Variants in MBD4 observed in about 807,000 individuals in gnomAD.
The protein encoded by MBD4 is methyl-CpG binding domain 4, DNA glycosylase.
Under a neutral mutation model 60.2 loss-of-function variants are expected in MBD4, and 53 were observed. The observed-to-expected ratio is 0.88, with a 90% confidence interval of 0.71 to 1.11. The LOEUF is 1.11. MBD4 is among the 50% of genes least tolerant of loss of function. The pLI is 0.00. For missense variants in MBD4, 619 were observed against 674.0 expected (o/e 0.92, Z 0.90); for synonymous variants, 231 against 229.8 (o/e 1.01, Z -0.05).
chr3:129,439,937 C>T lies in MBD4; in HGVS notation c.-104G>A. The T allele has an allele frequency of 1.1e-6, 1 of 885,156 alleles. No homozygotes were observed. The highest frequency in any genetic ancestry group is 2.6e-5 in the East Asian group (1 of 38,204). The allele number at this position is 885,156 out of a possible 1,614,324, so 54.8% of individuals were successfully genotyped here. A position where few individuals can be genotyped will look rare whatever the true frequency, so the allele number is the denominator to read the frequency against. On this transcript the variant is annotated 5_prime_UTR_variant, in exon 1 of 8. Transcript: ENST00000429544. The stretch of plus-strand genomic sequence containing the variant: ...TCAGCTCACGGCACCGGGCTGCAAC[C>T]GAGGTCTGAATGTTGCGAAAGCGCC...
chr3:129,431,681 T>C (rs1424423217), intron 7 of MBD4, 103 bp from the exon 8 acceptor site: 4 of 804,838 alleles, frequency 5.0e-6, no homozygotes, highest in Non-Finnish European at 8.7e-6. Context: ...GGACAGTACA[T>C]TACGATACCA....
intron 1 of MBD4, 88 bp from the exon 2 acceptor site, chr3:129,438,038 A>T (rs2072504193): frequency 1.3e-5 from 10 of 780,304 alleles, no homozygotes; most frequent in Non-Finnish European, 2.2e-5. Flanking sequence ...TGCAGGAACC[A>T]CATAGATTAT....
At chr3:129,438,958 CT>C (rs2107763719) in intron 1 of MBD4, among the ~76,000 whole-genome samples, 1 of 151,904 alleles carries the variant, frequency 6.6e-6, no homozygotes, top group East Asian at 1.9e-4. Context: ...TAAACTAAAA[CT>C]TCATTAAAGT....
In MBD4 at chr3:129,439,715, G is replaced by C; in HGVS notation, c.104+15C>G. ...AGGTGGTGAAACTGAGGCCCAAAAG[G>C]GGACAGTAACTTACCGGAGGTCATT... On this transcript the variant is annotated intron_variant, in intron 1 of 7. Transcript: ENST00000429544. 6.7e-7 allele frequency: 1 copy of C among 1,493,218 alleles called. No homozygotes were observed. The highest frequency in any genetic ancestry group is 9.2e-7 in the Non-Finnish European group (1 of 1,086,838). The allele number at this position is 1,493,218 out of a possible 1,614,324, so 92.5% of individuals were successfully genotyped here. A position where few individuals can be genotyped will look rare whatever the true frequency, so the allele number is the denominator to read the frequency against.
At chr3:129,433,801 C>T (rs1359068005) in intron 5 of MBD4, 49 bp downstream of exon 5, 4 of 1,612,308 alleles carry the variant, frequency 2.5e-6, no homozygotes, top group Non-Finnish European at 3.4e-6. Context: ...AGTGCTTTCT[C>T]CCTACCACAC....
At chr3:129,434,237 G>C (rs1379318680) in intron 3 of MBD4, 101 bp from the exon 4 acceptor site, 1 of 932,910 alleles carries the variant, frequency 1.1e-6, no homozygotes, top group Non-Finnish European at 1.7e-6. Context: ...AAGCATGCCA[G>C]GCACTATTCT....
Position 129,439,745 on chromosome 3 carries a change from G to C in MBD4, c.89C>G (p.Pro30Arg). ...VTSSERLVPD[P>R]PNDLRKEDVA... ...AGTAACTTACCGGAGGTCATTCGGCGGGTCTGGGACTAGGCGCTCACTAGA... is the reference window on the plus strand; with the variant it reads ...AGTAACTTACCGGAGGTCATTCGGCCGGTCTGGGACTAGGCGCTCACTAGA... Residue 30 changes from proline to arginine, a missense_variant, in exon 1 of 8, where the codon CCG becomes CGG. Transcript: ENST00000429544. 2 of 1,593,284 alleles carry C rather than the reference G, an allele frequency of 1.3e-6. No homozygotes were observed. The highest frequency in any genetic ancestry group is 2.7e-5 in the African/African-American group (2 of 74,804).
intron 5 of MBD4, 127 bp downstream of exon 5, chr3:129,433,723 G>A (rs997251846): frequency 3.7e-6 from 4 of 1,067,144 alleles, no homozygotes; most frequent in African/African-American, 1.6e-5. Flanking sequence ...AAGAGTTTAA[G>A]GGTGAAGGGG....
At chr3:129,433,025 T>A in intron 6 of MBD4, 73 bp downstream of exon 6, 1 of 1,575,966 alleles carries the variant, frequency 6.3e-7, no homozygotes, top group Non-Finnish European at 8.7e-7. Context: ...CTGAGAACAT[T>A]AAAGTTTAAG....
Position 129,432,593 on chromosome 3 carries a change from T to C in MBD4, c.1557A>G (p.Thr519=), listed in dbSNP as rs2107749182. 6.2e-7 allele frequency: 1 copy of C among 1,614,212 alleles called. No homozygotes were observed. Among genetic ancestry groups the C allele is most frequent in the Non-Finnish European group, 8.5e-7 (1 of 1,180,030 alleles). Residue 519 remains threonine (T), a synonymous_variant, in exon 7 of 8, where the codon ACA becomes ACG. Transcript: ENST00000429544. The part of the protein sequence containing the change: ...TIVKFSDEYL[T]KQWKYPIELH... Reference sequence around the variant, plus strand: ...GCTCAATTGGATACTTCCACTGCTTTGTCAGGTATTCATCTGAAGAATACA... The same window carrying C: ...GCTCAATTGGATACTTCCACTGCTTCGTCAGGTATTCATCTGAAGAATACA...
Position 129,436,432 on chromosome 3 carries a change from G to A in MBD4, c.1183+29C>T, listed in dbSNP as rs777900824. On this transcript the variant is annotated intron_variant, in intron 3 of 7. Transcript: ENST00000429544. Reference sequence around the variant, plus strand: ...ACATAATGTTTAATAGTGCTTGAAAGCACTGGATACCTTGAAATATTTTCT... The same window carrying A: ...ACATAATGTTTAATAGTGCTTGAAAACACTGGATACCTTGAAATATTTTCT... The A allele has an allele frequency of 6.2e-7, 1 of 1,612,966 alleles. No individual in the cohort carries two copies. The highest frequency in any genetic ancestry group is 1.1e-5 in the South Asian group (1 of 91,084).
rs2072483228 is a variant in MBD4, at chr3:129,437,219, T to C, written c.425A>G (p.Asp142Gly). The change falls in exon 3 of 8, where the codon GAT becomes GGT. Residue 142 changes from aspartate to glycine, a missense_variant. Physicochemically the swap from Asp to Gly is moderately conservative, Grantham distance 94 (BLOSUM62 -1). Transcript: ENST00000429544. Reference sequence around the variant, plus strand: ...ACCCCTTTTAGAAAGTACAGTAAAATCAAAATCTTCTGGCTTAAGAGAAGT... The same window carrying C: ...ACCCCTTTTAGAAAGTACAGTAAAACCAAAATCTTCTGGCTTAAGAGAAGT... The part of the protein sequence containing the change: ...GETSLKPEDF[D>G]FTVLSKRGIK... 9 of 1,613,082 alleles carry C rather than the reference T, an allele frequency of 5.6e-6. No homozygotes were observed. In the South Asian group the frequency reaches 9.9e-5, roughly 18 times the overall value.
In MBD4 at chr3:129,434,132, A is replaced by G. The variant is rs770678153; in HGVS notation, c.1188T>C (p.Asp396=). 6.2e-7 allele frequency: 1 copy of G among 1,613,648 alleles called. No homozygotes were observed. The highest frequency in any genetic ancestry group is 1.7e-5 in the Admixed American group (1 of 60,030). Residue 396 remains aspartate, a synonymous_variant, in exon 4 of 8, where the codon GAT becomes GAC. Transcript: ENST00000429544. The part of the protein sequence containing the change: ...CSPTRKDFTE[D]TIPRTQIERR... ...TTTCTATCTGTGTTCGTGGGATGGT[A>G]TCTTCTGAAAAGGAAAAGTAAACAC...
At position 129,436,947 on chromosome 3, in the gene MBD4, C is replaced by T. The variant is rs753595466; in HGVS notation, c.697G>A (p.Gly233Arg). The T allele has an allele frequency of 3.7e-6, 6 of 1,614,018 alleles. No homozygotes were observed. The Admixed American group carries it at 8.3e-5, about 22-fold the overall frequency. ...VNFRKVRKPK[G>R]KVTILKGIPI... ...ATTCCTTTCAAAATAGTCACCTTTC[C>T]TTTGGGCTTTCTAACCTTTCTGAAG... The change falls in exon 3 of 8, where the codon GGA (glycine) becomes AGA (arginine). Residue 233 changes from glycine (G) to arginine (R), a missense_variant. Gly to Arg is a moderately radical substitution (Grantham distance 125, BLOSUM62 -2). Transcript: ENST00000429544.
At chr3:129,433,357 A>T in intron 5 of MBD4, 110 bp from the exon 6 acceptor site, 1 of 1,203,074 alleles carries the variant, frequency 8.3e-7, no homozygotes, top group African/African-American at 1.5e-5. Context: ...TTTAAAGAAA[A>T]CAAAAAACAA....
chr3:129,434,841 T>G (rs1032739598), intron 3 of MBD4, among the ~76,000 whole-genome samples: 2 of 152,160 alleles, frequency 1.3e-5, no homozygotes, highest in African/African-American at 4.8e-5. Flanking sequence ...AACCTACAAT[T>G]TGAACCCTAG....
chr3:129,439,071 G>A (rs2072617901), intron 1 of MBD4, among the ~76,000 whole-genome samples: 1 of 152,238 alleles, frequency 6.6e-6, no homozygotes, highest in Non-Finnish European at 1.5e-5. Flanking sequence ...AAAGGTGGAT[G>A]GGTCTAGAGA....
rs1217923807 is a variant in MBD4, at chr3:129,439,912, T to A, written c.-79A>T. On this transcript the variant is annotated 5_prime_UTR_variant, in exon 1 of 8. Coordinates refer to ENST00000429544, the MANE Select transcript of MBD4 (RefSeq NM_001276270.2). ...GGGCGGAGTAAGATGTGAAACCTCTTCAGCTCACGGCACCGGGCTGCAACC... is the reference window on the plus strand; with the variant it reads ...GGGCGGAGTAAGATGTGAAACCTCTACAGCTCACGGCACCGGGCTGCAACC... The A allele has an allele frequency of 9.8e-7, 1 of 1,021,772 alleles. No individual in the cohort carries two copies. The highest frequency in any genetic ancestry group is 2.5e-5 in the East Asian group (1 of 40,190). 63.3% of individuals were successfully genotyped at this position (1,021,772 alleles called of 1,614,324 possible).
In MBD4 at chr3:129,439,887, G is replaced by A. The variant is rs1470900100; in HGVS notation, c.-54C>T. 10 of 1,260,106 alleles carry A rather than the reference G, an allele frequency of 7.9e-6. No homozygotes were observed. Among genetic ancestry groups the A allele is most frequent in the Non-Finnish European group, 1.2e-5 (10 of 865,292 alleles). 78.1% of individuals were successfully genotyped at this position (1,260,106 alleles called of 1,614,324 possible). On this transcript the variant is annotated 5_prime_UTR_variant, in exon 1 of 8. Coordinates refer to ENST00000429544, the MANE Select transcript of MBD4 (RefSeq NM_001276270.2). ...CCAGCGCCGCAACGCCCAGGGTGTG[G>A]GGCGGAGTAAGATGTGAAACCTCTT...
Sources: gnomAD v4.1 joint callset for allele counts (sites outside exome capture counted in the v4.1 genomes callset) on GRCh38, gnomAD v4.1.1 for gene constraint, MANE v1.5 for transcripts, NCBI Gene and HGNC (gene_info 2026-07-23, HGNC 2026-07-21) for gene names.